The following KIF4A variants were observed in gnomAD, a reference collection of about 807,000 sequenced individuals.
KIF4A encodes kinesin family member 4A, also known as chromosome-associated kinesin KIF4A.
KIF4A carries 7 observed loss-of-function variants against 105.9 expected under a neutral mutation model. The observed-to-expected ratio is 0.07, with a 90% CI of 0.04 to 0.12. The LOEUF is 0.12. KIF4A is among the 10% of genes least tolerant of loss of function. The probability of loss-of-function intolerance (pLI) is 1.00; values close to 1 mark genes in which losing one functional copy is unlikely to be tolerated. For synonymous variants in KIF4A, 281 were observed against 331.3 expected (o/e 0.85, Z 1.65); for missense variants, 558 against 929.2 (o/e 0.60, Z 5.19).
chrX:70,301,013 T>A (rs1352127860), intron 5 of KIF4A, among the ~76,000 whole-genome samples: 5 of 111,609 alleles, frequency 4.5e-5, no homozygotes, highest in Non-Finnish European at 9.4e-5. Flanking sequence ...AGTAGATGTG[T>A]AAAGGAAAAG....
intron 15 of KIF4A, among the ~76,000 whole-genome samples, chrX:70,355,803 G>T (rs2086048691): frequency 9.0e-6 from 1 of 111,371 alleles, no homozygotes; most frequent in African/African-American, 3.3e-5. Flanking sequence ...AACGGATGGG[G>T]CTGCAGGACC....
intron 7 of KIF4A, among the ~76,000 whole-genome samples, chrX:70,312,571 A>G (rs1179267162): frequency 1.8e-5 from 2 of 112,122 alleles, no homozygotes; most frequent in Non-Finnish European, 3.8e-5. Context: ...AATTTTGCCA[A>G]TTGCATGCCT....
At chrX:70,411,155 G>A (rs947813729) in intron 28 of KIF4A, among the ~76,000 whole-genome samples, 3 of 111,299 alleles carry the variant, frequency 2.7e-5, no homozygotes, top group African/African-American at 6.5e-5. Flanking sequence ...GCCTGGGCAC[G>A]GTGGCTCATA....
intron 20 of KIF4A, among the ~76,000 whole-genome samples, chrX:70,387,706 A>G (rs2086223075): frequency 9.0e-6 from 1 of 111,377 alleles, no homozygotes; most frequent in South Asian, 3.8e-4. Context: ...CATCTCTACT[A>G]AAAATACAAA....
intron 7 of KIF4A, among the ~76,000 whole-genome samples, chrX:70,321,814 A>G (rs1410875399): frequency 9.0e-6 from 1 of 110,792 alleles, no homozygotes; most frequent in Admixed American, 9.6e-5. Flanking sequence ...TTTGAAGTCA[A>G]CTCATGACCT....
chrX:70,341,626 A>G (rs1382566342), intron 10 of KIF4A, among the ~76,000 whole-genome samples, 173 bp from the exon 11 acceptor site: 1 of 111,671 alleles, frequency 9.0e-6, no homozygotes, highest in African/African-American at 3.3e-5. Flanking sequence ...CCAATATTCT[A>G]CCTGACTAGG....
At chrX:70,414,087 T>TCTA (rs760380680) in intron 28 of KIF4A, among the ~76,000 whole-genome samples, 1 of 111,461 alleles carries the variant, frequency 9.0e-6, no homozygotes, top group African/African-American at 3.3e-5. Context: ...TACAAGGATA[T>TCTA]CTACTGCAAC....
intron 7 of KIF4A, among the ~76,000 whole-genome samples, chrX:70,303,758 G>A (rs1476202770): frequency 9.1e-6 from 1 of 110,200 alleles, no homozygotes; most frequent in Non-Finnish European, 1.9e-5. Context: ...GTACATATCA[G>A]TGGATTTTAG....
intron 7 of KIF4A, among the ~76,000 whole-genome samples, chrX:70,306,894 C>T (rs1414493368): frequency 9.2e-6 from 1 of 109,044 alleles, no homozygotes; most frequent in Non-Finnish European, 1.9e-5. Context: ...GGTTGGAAAG[C>T]AATGGCTGCA....
chrX:70,414,002 G>A (rs2086333172), intron 28 of KIF4A, among the ~76,000 whole-genome samples: 2 of 111,060 alleles, frequency 1.8e-5, no homozygotes, highest in Non-Finnish European at 3.8e-5. Flanking sequence ...ATAAGCTACA[G>A]TCAGGGGATG....
At chrX:70,365,814 A>G (rs11798357) in intron 15 of KIF4A, among the ~76,000 whole-genome samples, 14,758 of 111,267 alleles carry the variant, frequency 0.13, 929 homozygotes, top group Non-Finnish European at 0.18. Flanking sequence ...TTTCAGAAGC[A>G]GCGGTACCAG....
chrX:70,330,657 G>T (rs1197867617), intron 9 of KIF4A, among the ~76,000 whole-genome samples: 1 of 111,600 alleles, frequency 9.0e-6, no homozygotes, highest in African/African-American at 3.3e-5. Context: ...CCATTGAAGA[G>T]TTTTAAGTAG....
chrX:70,378,243 G>A (rs1331292902), intron 18 of KIF4A, among the ~76,000 whole-genome samples: 1 of 111,471 alleles, frequency 9.0e-6, no homozygotes, highest in Non-Finnish European at 1.9e-5. Flanking sequence ...CTACTTGGGA[G>A]GCTGAGGTGG....
Position 70,387,304 on chromosome X carries a change from A to G in KIF4A, c.2232+7A>G. On this transcript the variant is annotated splice_region_variant and intron_variant, in intron 20 of 30. Transcript: ENST00000374403. ...CACTGCAGCTCGAGTGAAGGTATGA[A>G]CAACTTGAACTGCCATTTCTCTTGT... 5.4e-6 allele frequency: 6 copies of G among 1,119,379 alleles called. No individual in the cohort carries two copies. Among genetic ancestry groups the G allele is most frequent in the Non-Finnish European group, 7.2e-6 (6 of 829,902 alleles). 92.2% of individuals were successfully genotyped at this position (1,119,379 alleles called of 1,213,427 possible).
At chrX:70,403,788 A>G in intron 23 of KIF4A, 76 bp from the exon 24 acceptor site, 5 of 962,667 alleles carry the variant, frequency 5.2e-6, no homozygotes, top group African/African-American at 1.9e-5. Flanking sequence ...GAAAGCTGAC[A>G]TTATCCTGCC....
intron 15 of KIF4A, among the ~76,000 whole-genome samples, chrX:70,354,843 C>T (rs769034897): frequency 1.3e-4 from 15 of 111,801 alleles, no homozygotes; most frequent in South Asian, 3.8e-4. Context: ...ACAGTATTGG[C>T]GGGGGCTGGG....
At chrX:70,311,254 T>C (rs1359720947) in intron 7 of KIF4A, among the ~76,000 whole-genome samples, 1 of 112,096 alleles carries the variant, frequency 8.9e-6, no homozygotes, top group South Asian at 3.7e-4. Flanking sequence ...TCTGTAGTTA[T>C]GTCTCACTTT....
chrX:70,352,633 G>A lies in KIF4A; in HGVS notation c.1465G>A (p.Asp489Asn). 8.3e-7 allele frequency: 1 copy of A among 1,202,193 alleles called. No homozygotes were observed. The highest frequency in any genetic ancestry group is 1.1e-6 in the Non-Finnish European group (1 of 888,107). The change falls in exon 14 of 31, where the codon GAT becomes AAT. Residue 489 changes from aspartate (D) to asparagine (N), a missense_variant. This residue lies in a region of KIF4A where 469 missense variants were observed against 680.4 expected (regional missense o/e 0.69). Transcript: ENST00000374403. Reference protein sequence around the residue: ...ETVACMAAAIDTAVEQEAQVE... With the variant: ...ETVACMAAAINTAVEQEAQVE... ...TGTTGCTTGCATGGCTGCAGCCATT[G>A]ATACTGCGGTGGAGCAAGAAGCCGT...
At position 70,415,607 on chromosome X, in the gene KIF4A, C is replaced by CAA. The variant is rs59326448; in HGVS notation, c.3256-2266_3256-2265dup. On this transcript the variant is annotated intron_variant, in intron 28 of 30. Coordinates refer to ENST00000374403, the MANE Select transcript of KIF4A (RefSeq NM_012310.5). ...GGGTGACAGAGCAAGACCCTGTCTCCAAAAAAAAAAAAAAAACTAATGTGG... is the reference window on the plus strand; with the variant it reads ...GGGTGACAGAGCAAGACCCTGTCTCCAAAAAAAAAAAAAAAAAACTAATGTGG... The CAA allele has an allele frequency of 9.1e-3, 730 of 80,300 alleles. 5 individuals carry two copies. Among genetic ancestry groups the CAA allele is most frequent in the African/African-American group, 0.023 (457 of 20,270 alleles). 6.6% of individuals were successfully genotyped at this position (80,300 alleles called of 1,213,427 possible). A position where few individuals can be genotyped will look rare whatever the true frequency, so the allele number is the denominator to read the frequency against.
Sources: gnomAD v4.1 joint callset for allele counts (sites outside exome capture counted in the v4.1 genomes callset) on GRCh38, gnomAD v4.1.1 for gene constraint, gnomAD v4.1.1 regional missense constraint, MANE v1.5 for transcripts, NCBI Gene and HGNC (gene_info 2026-07-23, HGNC 2026-07-21) for gene names.